CBX5: variants seen among roughly 807,000 people sequenced by gnomAD.
CBX5 encodes chromobox protein homolog 5.
Under a neutral mutation model 20.7 loss-of-function variants are expected in CBX5, and 7 were observed. That is an observed-to-expected ratio of 0.34 (90% CI 0.19 to 0.63). The LOEUF (loss-of-function observed/expected upper bound fraction) is 0.63, where lower values mean the gene tolerates loss of function less well. Among genes scored for constraint, CBX5 ranks in the 30% least tolerant of loss-of-function variants. The probability of loss-of-function intolerance (pLI) is 0.75; values close to 1 mark genes in which losing one functional copy is unlikely to be tolerated. For missense variants in CBX5, 110 were observed against 224.1 expected (o/e 0.49, Z 3.25); for synonymous variants, 78 against 77.0 (o/e 1.01, Z -0.07).
intron 1 of CBX5, among the ~76,000 whole-genome samples, chr12:54,261,242 C>T (rs1286797618): frequency 2.0e-5 from 3 of 149,970 alleles, no homozygotes; most frequent in East Asian, 1.9e-4. Flanking sequence ...GTGACTATTA[C>T]GACTGTCAAA....
rs1031352052 is a variant in CBX5 at position 54,239,862 on chromosome 12, A to G, written c.*1893T>C. ...AATTTATATAAGCACACAGAATTCAATCAGCAGCTGAGCAGGGAAGCAATG... is the reference window on the plus strand; with the variant it reads ...AATTTATATAAGCACACAGAATTCAGTCAGCAGCTGAGCAGGGAAGCAATG... On this transcript the variant is annotated 3_prime_UTR_variant, in exon 5 of 5. Transcript: ENST00000209875. 2.0e-5 allele frequency: 3 copies of G among 152,240 alleles called. No homozygotes were observed. The highest frequency in any genetic ancestry group is 7.2e-5 in the African/African-American group (3 of 41,470). The allele number at this position is 152,240 out of a possible 1,614,324, so 9.4% of individuals were successfully genotyped here.
intron 1 of CBX5, among the ~76,000 whole-genome samples, chr12:54,264,937 A>G (rs1943943759): frequency 6.6e-6 from 1 of 152,206 alleles, no homozygotes; most frequent in African/African-American, 2.4e-5. Context: ...AAATGTCAAG[A>G]TGCATAATCA....
chr12:54,272,505 A>AG (rs1231588486), intron 1 of CBX5: 1 of 152,242 alleles, frequency 6.6e-6, no homozygotes, highest in Non-Finnish European at 1.5e-5. Context: ...AAGAAAATTC[A>AG]GGCTACACAG....
intron 1 of CBX5, among the ~76,000 whole-genome samples, chr12:54,275,541 A>G (rs1944055800): frequency 1.3e-5 from 2 of 151,884 alleles, no homozygotes; most frequent in Non-Finnish European, 2.9e-5. Flanking sequence ...GCGCCCAGGC[A>G]GTATGTCTCT....
At chr12:54,259,746 T>C (rs933917618) in intron 1 of CBX5, among the ~76,000 whole-genome samples, 1 of 152,244 alleles carries the variant, frequency 6.6e-6, no homozygotes, top group African/African-American at 2.4e-5. Context: ...GTGGAGAAAT[T>C]GGAAGGTACC....
chr12:54,243,375 T>G (rs937760287), intron 4 of CBX5, among the ~76,000 whole-genome samples: 2 of 151,418 alleles, frequency 1.3e-5, no homozygotes, highest in East Asian at 3.9e-4. Flanking sequence ...CGGGGCAACA[T>G]AGGAAGACCT....
At chr12:54,278,403 G>A (rs1944091502) in intron 1 of CBX5, among the ~76,000 whole-genome samples, 2 of 152,184 alleles carry the variant, frequency 1.3e-5, no homozygotes, top group Non-Finnish European at 2.9e-5. Context: ...TTACAGCCAG[G>A]TATAAATTAT....
intron 1 of CBX5, among the ~76,000 whole-genome samples, chr12:54,265,169 G>A (rs1224629466): frequency 6.6e-6 from 1 of 152,192 alleles, no homozygotes; most frequent in Non-Finnish European, 1.5e-5. Flanking sequence ...GAGTGGCTTA[G>A]GTGAAGATTA....
intron 2 of CBX5, among the ~76,000 whole-genome samples, 156 bp downstream of exon 2, chr12:54,257,358 A>G (rs1943870739): frequency 6.6e-6 from 1 of 152,194 alleles, no homozygotes; most frequent in Admixed American, 6.5e-5. Flanking sequence ...CCACAAGCGG[A>G]GAGATTTTGT....
At chr12:54,276,401 T>C (rs922438442) in intron 1 of CBX5, among the ~76,000 whole-genome samples, 1 of 152,232 alleles carries the variant, frequency 6.6e-6, no homozygotes, top group Admixed American at 6.5e-5. Flanking sequence ...TGTTTTATAA[T>C]AAAGTGTTGA....
chr12:54,269,182 C>T (rs1943985298), intron 1 of CBX5, among the ~76,000 whole-genome samples: 1 of 151,788 alleles, frequency 6.6e-6, no homozygotes. Context: ...ATCGCTTGAA[C>T]CCCCCAGGAG....
intron 1 of CBX5, chr12:54,272,918 A>T (rs1253620046): frequency 1.3e-5 from 2 of 152,224 alleles, no homozygotes; most frequent in Non-Finnish European, 2.9e-5. Context: ...CCATGGTTAC[A>T]CCATTAGATA....
chr12:54,266,723 T>C (rs1206726270), intron 1 of CBX5, among the ~76,000 whole-genome samples: 4 of 152,222 alleles, frequency 2.6e-5, no homozygotes, highest in Non-Finnish European at 5.9e-5. Context: ...ATCAGTCTGG[T>C]AAACTGGTGT....
At chr12:54,244,693 G>A (rs749058557) in intron 4 of CBX5, among the ~76,000 whole-genome samples, 15 of 151,962 alleles carry the variant, frequency 9.9e-5, no homozygotes, top group African/African-American at 2.7e-4. Flanking sequence ...AGCCAAGATC[G>A]CGCCACTGCA....
chr12:54,270,335 G>A (rs953926418), intron 1 of CBX5, among the ~76,000 whole-genome samples: 9 of 152,118 alleles, frequency 5.9e-5, no homozygotes, highest in Non-Finnish European at 1.2e-4. Context: ...AAGTGCAGTG[G>A]CAGGATCATA....
chr12:54,261,716 C>T (rs1337484623), intron 1 of CBX5, among the ~76,000 whole-genome samples: 1 of 152,084 alleles, frequency 6.6e-6, no homozygotes, highest in African/African-American at 2.4e-5. Context: ...GATATAAAAA[C>T]AATAACAAAC....
chr12:54,279,732 T>A (rs1944113082), intron 1 of CBX5, among the ~76,000 whole-genome samples: 2 of 152,094 alleles, frequency 1.3e-5, no homozygotes, highest in Admixed American at 6.5e-5. Flanking sequence ...AAAACCCGTC[T>A]CCCACATTCC....
intron 1 of CBX5, among the ~76,000 whole-genome samples, chr12:54,270,434 T>C (rs1473152027): frequency 1.3e-5 from 2 of 152,020 alleles, no homozygotes; most frequent in East Asian, 3.9e-4. Context: ...CCACCACTCC[T>C]GGATACTTTT....
chr12:54,245,006 A>G (rs1367914782), intron 4 of CBX5, among the ~76,000 whole-genome samples: 2 of 150,488 alleles, frequency 1.3e-5, no homozygotes, highest in Non-Finnish European at 3.0e-5. Context: ...ATATATATAT[A>G]TTTATTATTA....
Sources: allele counts gnomAD v4.1 joint callset (sites outside exome capture counted in the v4.1 genomes callset), GRCh38; gene constraint gnomAD v4.1.1; transcripts MANE v1.5; gene names NCBI Gene and HGNC (gene_info 2026-07-23, HGNC 2026-07-21).